Variants in TMCC1 observed in about 807,000 individuals in gnomAD.
TMCC1 encodes transmembrane and coiled-coil domain family 1, also known as transmembrane and coiled-coil domains protein 1.
In TMCC1, 15 loss-of-function variants were observed where a neutral mutation model predicts 52.4. The observed-to-expected ratio is 0.29, with a 90% CI of 0.19 to 0.44. The LOEUF (loss-of-function observed/expected upper bound fraction) is 0.44. TMCC1 is among the 20% of genes least tolerant of loss of function. The pLI, the probability that TMCC1 is intolerant of heterozygous loss-of-function variation, is 1.00. For synonymous variants in TMCC1, 279 were observed against 301.9 expected (o/e 0.92, Z 0.79); for missense variants, 503 against 806.0 (o/e 0.62, Z 4.55).
intron 1 of TMCC1, among the ~76,000 whole-genome samples, chr3:129,887,609 C>A (rs2108012761): frequency 6.6e-6 from 1 of 151,352 alleles, no homozygotes; most frequent in South Asian, 2.1e-4. Context: ...GTATCTCCTC[C>A]ACTCCTTAAC....
At chr3:129,708,311 A>G (rs552809717) in intron 4 of TMCC1, among the ~76,000 whole-genome samples, 65 of 152,322 alleles carry the variant, frequency 4.3e-4, no homozygotes, top group African/African-American at 1.5e-3. Context: ...TTTAATTTCA[A>G]AGAATGCCTA....
chr3:129,707,913 AGAGC>A (rs926770276), intron 4 of TMCC1, among the ~76,000 whole-genome samples: 3 of 152,042 alleles, frequency 2.0e-5, no homozygotes, highest in African/African-American at 7.2e-5. Flanking sequence ...GCCTGGCGAC[AGAGC>A]AAGACTCAGT....
intron 4 of TMCC1, among the ~76,000 whole-genome samples, chr3:129,695,013 C>G (rs931747056): frequency 7.8e-6 from 1 of 128,560 alleles, no homozygotes; most frequent in African/African-American, 2.9e-5. Flanking sequence ...GGGAGAATCA[C>G]TTAAGCCCAG....
intron 4 of TMCC1, among the ~76,000 whole-genome samples, chr3:129,725,820 GCTT>G: frequency 6.6e-6 from 1 of 152,224 alleles, no homozygotes; most frequent in South Asian, 2.1e-4. Flanking sequence ...TTAGTTCTGA[GCTT>G]CTTTCTTAGC....
At chr3:129,704,422 ATTTG>A (rs2048066365) in intron 4 of TMCC1, among the ~76,000 whole-genome samples, 1 of 151,890 alleles carries the variant, frequency 6.6e-6, no homozygotes, top group Non-Finnish European at 1.5e-5. Context: ...AGCATTTTTT[ATTTG>A]TTTATTTTTT....
chr3:129,720,817 C>A (rs1031251635), intron 4 of TMCC1, among the ~76,000 whole-genome samples: 3 of 152,162 alleles, frequency 2.0e-5, no homozygotes, highest in African/African-American at 7.2e-5. Context: ...ACCTCAACCT[C>A]CTGAGTAGCT....
intron 2 of TMCC1, among the ~76,000 whole-genome samples, chr3:129,852,877 G>A (rs2059978587): frequency 6.6e-6 from 1 of 152,094 alleles, no homozygotes; most frequent in Admixed American, 6.5e-5. Flanking sequence ...AGGTAATTTT[G>A]GTCTTAACAT....
chr3:129,787,284 A>T (rs1439400517), intron 4 of TMCC1, among the ~76,000 whole-genome samples: 2 of 152,022 alleles, frequency 1.3e-5, no homozygotes, highest in African/African-American at 2.4e-5. Context: ...AAGCTATGAA[A>T]TTTTTTTTAT....
At chr3:129,879,167 AT>A (rs1422793731) in intron 2 of TMCC1, among the ~76,000 whole-genome samples, 1 of 152,194 alleles carries the variant, frequency 6.6e-6, no homozygotes. Context: ...CAGGCCAGGG[AT>A]GGTGGCTCAT....
intron 2 of TMCC1, among the ~76,000 whole-genome samples, chr3:129,871,843 A>T (rs187693469): frequency 9.8e-5 from 15 of 152,368 alleles, no homozygotes; most frequent in African/African-American, 3.4e-4. Flanking sequence ...CATGATTTTC[A>T]TATAGATGAA....
intron 4 of TMCC1, among the ~76,000 whole-genome samples, chr3:129,788,116 T>C (rs1035402202): frequency 3.3e-5 from 5 of 152,174 alleles, no homozygotes; most frequent in Admixed American, 1.3e-4. Context: ...TATTCTAAAG[T>C]AATTTTAAAG....
chr3:129,866,086 C>T (rs1037120266), intron 2 of TMCC1, among the ~76,000 whole-genome samples: 14 of 151,758 alleles, frequency 9.2e-5, no homozygotes, highest in African/African-American at 3.4e-4. Flanking sequence ...AAATGGAATA[C>T]ACCCACTATT....
intron 4 of TMCC1, 113 bp from the exon 5 acceptor site, chr3:129,671,377 G>A (rs984886481): frequency 1.4e-5 from 16 of 1,128,658 alleles, no homozygotes; most frequent in Admixed American, 2.8e-5. Flanking sequence ...GTAGATAACT[G>A]ACCTATAATT....
chr3:129,833,595 G>C (rs1014427826), intron 2 of TMCC1, among the ~76,000 whole-genome samples: 5 of 151,686 alleles, frequency 3.3e-5, no homozygotes, highest in African/African-American at 1.2e-4. Context: ...ACAACAAGAA[G>C]AACAAAACAT....
At chr3:129,701,318 A>G (rs750676906) in intron 4 of TMCC1, among the ~76,000 whole-genome samples, 4 of 152,244 alleles carry the variant, frequency 2.6e-5, no homozygotes, top group African/African-American at 9.6e-5. Flanking sequence ...TGCATTACTC[A>G]AGAAGTCTCT....
intron 4 of TMCC1, among the ~76,000 whole-genome samples, chr3:129,676,169 G>T (rs750355199): frequency 6.6e-6 from 1 of 152,068 alleles, no homozygotes; most frequent in Non-Finnish European, 1.5e-5. Context: ...ACTCAACAGG[G>T]TGTCTTTTTC....
Position 129,700,078 on chromosome 3 carries a change from T to C in TMCC1, c.577-28814A>G, listed in dbSNP as rs142672427. On this transcript the variant is annotated intron_variant, in intron 4 of 6. Transcript: ENST00000393238. ...AAAACAAAACTGAACACAAATTTCA[T>C]TGGAATCTAATTTATGGTCGGGTAC... Among the ~76,000 whole-genome samples the C allele has an allele frequency of 2.6e-5, 4 of 152,260 alleles. No homozygotes were observed. In the East Asian group the frequency reaches 7.7e-4, roughly 29 times the overall value.
At chr3:129,744,721 A>G (rs1452650427) in intron 4 of TMCC1, among the ~76,000 whole-genome samples, 1 of 152,230 alleles carries the variant, frequency 6.6e-6, no homozygotes, top group Non-Finnish European at 1.5e-5. Flanking sequence ...AGTTTCACAT[A>G]TATTTGATAT....
intron 4 of TMCC1, among the ~76,000 whole-genome samples, chr3:129,722,939 T>C (rs2049741385): frequency 6.6e-6 from 1 of 152,154 alleles, no homozygotes; most frequent in African/African-American, 2.4e-5. Context: ...AACTTCACAG[T>C]GAAAAATCTG....
Sources: allele counts gnomAD v4.1 joint callset (sites outside exome capture counted in the v4.1 genomes callset), GRCh38; gene constraint gnomAD v4.1.1; transcripts MANE v1.5; gene names NCBI Gene and HGNC (gene_info 2026-07-23, HGNC 2026-07-21).